Variants in DHRS11 observed in about 807,000 individuals in gnomAD.
The protein encoded by DHRS11 is dehydrogenase/reductase SDR family member 11.
A neutral mutation model predicts 30.7 loss-of-function variants in DHRS11; 18 were observed. That is an observed-to-expected ratio of 0.59 (90% confidence interval 0.41 to 0.87). The LOEUF (loss-of-function observed/expected upper bound fraction) is 0.87, where lower values mean the gene tolerates loss of function less well. DHRS11 is among the 40% of genes least tolerant of loss of function. DHRS11 has a pLI of 0.00. For synonymous variants in DHRS11, 123 were observed against 139.6 expected (o/e 0.88, Z 0.84); for missense variants, 300 against 349.0 (o/e 0.86, Z 1.12).
At chr17:36,598,339 A>C in intron 3 of DHRS11, 82 bp downstream of exon 3, 1 of 1,280,560 alleles carries the variant, frequency 7.8e-7, no homozygotes, top group Non-Finnish European at 1.1e-6. Context: ...TTTGGACCTC[A>C]GTTTCCTTGG....
intron 2 of DHRS11, chr17:36,597,331 CCT>C (rs1440013776): frequency 2.4e-5 from 4 of 163,586 alleles, no homozygotes; most frequent in African/African-American, 9.6e-5. Context: ...CTGCTGGTTC[CCT>C]CTCTTCTTAA....
chr17:36,599,215 C>T, intron 4 of DHRS11, 165 bp downstream of exon 4: 21 of 1,085,116 alleles, frequency 1.9e-5, no homozygotes, highest in Non-Finnish European at 2.7e-5. Flanking sequence ...CTATGCAGCC[C>T]TTCATTTCCT....
intron 1 of DHRS11, 53 bp from the exon 2 acceptor site, chr17:36,594,918 G>A (rs1435740310): frequency 6.3e-7 from 1 of 1,596,494 alleles, no homozygotes; most frequent in East Asian, 2.2e-5. Flanking sequence ...GCTGGCTAGG[G>A]AGCCGTGGGA....
chr17:36,595,237 C>T, intron 2 of DHRS11, 57 bp downstream of exon 2: 1 of 1,598,268 alleles, frequency 6.3e-7, no homozygotes, highest in Non-Finnish European at 8.5e-7. Flanking sequence ...AGAGGGGAGC[C>T]AGGGGTTTGT....
At chr17:36,599,463 C>T (rs917696663) in intron 4 of DHRS11, 11 of 592,046 alleles carry the variant, frequency 1.9e-5, no homozygotes, top group Admixed American at 3.1e-5. Context: ...TTTTGTAAAA[C>T]GTTTACCTGA....
chr17:36,599,626 C>A (rs1221338750), intron 4 of DHRS11, 45 bp from the exon 5 acceptor site: 1 of 1,605,120 alleles, frequency 6.2e-7, no homozygotes, highest in African/African-American at 1.3e-5. Context: ...CTCCCCAAGA[C>A]CTGGCAAAGC....
rs1234874757 is a variant in DHRS11 at position 36,594,356 on chromosome 17, G to A, written c.148-615G>A. Among the ~76,000 whole-genome samples, 4 of 152,164 alleles carry A rather than the reference G, an allele frequency of 2.6e-5. No homozygotes were observed. In the East Asian group the frequency reaches 7.7e-4, roughly 29 times the overall value. On this transcript the variant is annotated intron_variant, in intron 1 of 6. Transcript: ENST00000618403. The stretch of plus-strand genomic sequence containing the variant: ...TGGGCAGAAGAGGTGTTCCTGTTGA[G>A]GAAGAGGCAGAAAAGAGAGAGCACT...
intron 2 of DHRS11, among the ~76,000 whole-genome samples, chr17:36,595,938 C>T (rs928338833): frequency 2.0e-5 from 3 of 152,156 alleles, no homozygotes; most frequent in African/African-American, 7.2e-5. Flanking sequence ...AGGTTGGTTA[C>T]CTTCCTTGAG....
chr17:36,599,064 C>A lies in DHRS11; in HGVS notation c.582+14C>A. The A allele has an allele frequency of 1.2e-6, 2 of 1,609,794 alleles. No individual in the cohort carries two copies. Among genetic ancestry groups the A allele is most frequent in the Non-Finnish European group, 1.7e-6 (2 of 1,179,634 alleles). ...ATCCGAGCCACGGTGAGGCTGTGGCCTAGCCCTGGTGGGCACAGGGTGGCG... is the reference window on the plus strand; with the variant it reads ...ATCCGAGCCACGGTGAGGCTGTGGCATAGCCCTGGTGGGCACAGGGTGGCG... On this transcript the variant is annotated intron_variant, in intron 4 of 6. Coordinates refer to ENST00000618403, the MANE Select transcript of DHRS11 (RefSeq NM_024308.4).
At chr17:36,593,230 G>C (rs1358518194) in intron 1 of DHRS11, among the ~76,000 whole-genome samples, 2 of 152,316 alleles carry the variant, frequency 1.3e-5, no homozygotes, top group East Asian at 3.9e-4. Context: ...GCCAGGAAGG[G>C]GGGGCCTGAG....
Position 36,592,286 on chromosome 17 carries a change from C to G in DHRS11, c.147+130C>G. The G allele has an allele frequency of 8.9e-7, 1 of 1,124,180 alleles. No homozygotes were observed. The highest frequency in any genetic ancestry group is 1.6e-5 in the African/African-American group (1 of 62,242). 69.6% of individuals were successfully genotyped at this position (1,124,180 alleles called of 1,614,324 possible). The stretch of plus-strand genomic sequence containing the variant: ...CTCGGATCCCTTAAGGCAGGCTTCT[C>G]CCTTCCCCTTAAGTCTCATCTTTGA... On this transcript the variant is annotated intron_variant, in intron 1 of 6. Transcript: ENST00000618403. This position sits in a 1 kb window ranked among gnomAD's most constrained non-coding sequence, Gnocchi z 4.4.
chr17:36,593,773 CAGCTGGCCA>C (rs138472619), intron 1 of DHRS11, among the ~76,000 whole-genome samples: 11,149 of 152,284 alleles, frequency 0.073, 588 homozygotes, highest in South Asian at 0.13. Flanking sequence ...CAGGCCAGGG[CAGCTGGCCA>C]AGCTGGCCTT....
chr17:36,599,581 C>G, intron 4 of DHRS11, 90 bp from the exon 5 acceptor site: 2 of 1,334,530 alleles, frequency 1.5e-6, no homozygotes, highest in Non-Finnish European at 2.1e-6. Flanking sequence ...CACTGTGAAG[C>G]TGGGGTTCTG....
intron 2 of DHRS11, among the ~76,000 whole-genome samples, chr17:36,595,686 G>A (rs1017498611): frequency 4.6e-5 from 7 of 152,046 alleles, no homozygotes; most frequent in African/African-American, 9.7e-5. Flanking sequence ...GCCTCCCAAC[G>A]TGCTGGGATT....
Position 36,592,067 on chromosome 17 carries a change from T to C in DHRS11, c.58T>C (p.Ser20Pro), listed in dbSNP as rs1178299821. ...RDRLALVTGA[S>P]GGIGAAVARA... Reference sequence around the variant, plus strand: ...CCGGCTGGCGCTGGTGACGGGGGCCTCGGGGGGCATCGGCGCGGCCGTGGC... The same window carrying C: ...CCGGCTGGCGCTGGTGACGGGGGCCCCGGGGGGCATCGGCGCGGCCGTGGC... The change falls in exon 1 of 7, where the codon TCG (serine) becomes CCG (proline). Residue 20 changes from serine to proline, a missense_variant. By Grantham distance (74) the Ser-to-Pro change is moderately conservative. Transcript: ENST00000618403. This position sits in a 1 kb window ranked among gnomAD's most constrained non-coding sequence, Gnocchi z 4.4. The C allele has an allele frequency of 2.4e-6, 3 of 1,238,228 alleles. No homozygotes were observed. The African/African-American group carries it at 4.7e-5, about 19-fold the overall frequency. The allele number at this position is 1,238,228 out of a possible 1,614,324, so 76.7% of individuals were successfully genotyped here.
At chr17:36,597,192 G>A (rs1017125752) in intron 2 of DHRS11, 5 of 246,724 alleles carry the variant, frequency 2.0e-5, no homozygotes, top group Non-Finnish European at 4.1e-5. Flanking sequence ...TGAGAAACAC[G>A]GCTGGAAACC....
intron 1 of DHRS11, 146 bp from the exon 2 acceptor site, chr17:36,594,825 A>T: frequency 4.1e-6 from 3 of 734,828 alleles, no homozygotes; most frequent in African/African-American, 1.7e-5. Context: ...GACTTAGGGG[A>T]TGGGCAGTCC....
chr17:36,598,760 C>T (rs2074831535), intron 3 of DHRS11, 161 bp from the exon 4 acceptor site: 2 of 955,698 alleles, frequency 2.1e-6, no homozygotes, highest in Admixed American at 2.9e-5. Context: ...GTTTGAATAA[C>T]CAAAATTAGA....
At chr17:36,598,785 G>C in intron 3 of DHRS11, 136 bp from the exon 4 acceptor site, 1 of 1,147,314 alleles carries the variant, frequency 8.7e-7, no homozygotes, top group East Asian at 2.5e-5. Flanking sequence ...TGAGCTGTAG[G>C]ATGGCCAGTA....
Sources: gnomAD v4.1 joint callset for allele counts (sites outside exome capture counted in the v4.1 genomes callset) on GRCh38, gnomAD v4.1.1 for gene constraint, Gnocchi (gnomAD v3.1) non-coding constraint, MANE v1.5 for transcripts, NCBI Gene and HGNC (gene_info 2026-07-23, HGNC 2026-07-21) for gene names.